Variants in SOX5 observed in about 807,000 individuals in gnomAD.
The protein encoded by SOX5 is transcription factor SOX-5.
In SOX5, 9 loss-of-function variants were observed where a neutral mutation model predicts 92.0. The ratio of observed to expected loss-of-function variants is 0.10; its 90% CI spans 0.06 to 0.17. SOX5 has a LOEUF of 0.17. Among genes scored for constraint, SOX5 ranks in the 10% least tolerant of loss-of-function variants. SOX5 has a pLI of 1.00. For missense variants in SOX5, 642 were observed against 944.5 expected (o/e 0.68, Z 4.20); for synonymous variants, 344 against 336.3 (o/e 1.02, Z -0.25).
intron 1 of SOX5, among the ~76,000 whole-genome samples, chr12:24,384,838 C>A (rs1958214291): frequency 6.6e-6 from 1 of 152,092 alleles, no homozygotes; most frequent in Non-Finnish European, 1.5e-5. Context: ...CGAGTAATAT[C>A]AAACCATTTA....
intron 4 of SOX5, among the ~76,000 whole-genome samples, chr12:24,147,191 A>G (rs578163637): frequency 6.6e-6 from 1 of 152,320 alleles, no homozygotes; most frequent in African/African-American, 2.4e-5. Context: ...ATGCTGACCA[A>G]TGACTCATGA....
chr12:24,304,007 T>C (rs1049551245), intron 2 of SOX5, among the ~76,000 whole-genome samples: 2 of 152,232 alleles, frequency 1.3e-5, no homozygotes, highest in African/African-American at 4.8e-5. Flanking sequence ...TTCTTTCCAA[T>C]ACTAATGGAC....
chr12:24,410,711 C>T (rs1035589861), intron 1 of SOX5, among the ~76,000 whole-genome samples: 2 of 152,186 alleles, frequency 1.3e-5, no homozygotes, highest in Non-Finnish European at 2.9e-5. Context: ...TTGATCACTA[C>T]AGTTACATAA....
At chr12:23,577,355 A>T (rs1949331173) in intron 9 of SOX5, among the ~76,000 whole-genome samples, 1 of 151,238 alleles carries the variant, frequency 6.6e-6, no homozygotes, top group East Asian at 2.0e-4. Flanking sequence ...GCACACCACC[A>T]CGTCCGGCTA....
At chr12:24,424,810 G>GGA (rs996619977) in intron 1 of SOX5, among the ~76,000 whole-genome samples, 1 of 148,794 alleles carries the variant, frequency 6.7e-6, no homozygotes, top group South Asian at 2.1e-4. Context: ...TTTTTTTTTG[G>GGA]GGGGGGGGGA....
At position 23,904,206 on chromosome 12, in the gene SOX5, T is replaced by A. The variant is rs566383403; in HGVS notation, c.39-8182A>T. Among the ~76,000 whole-genome samples the A allele has an allele frequency of 5.6e-3, 860 of 152,282 alleles. 12 individuals are homozygous for A. The highest frequency in any genetic ancestry group is 0.02 in the African/African-American group (825 of 41,568). On this transcript the variant is annotated intron_variant, in intron 1 of 14. Transcript: ENST00000451604. ...CTTTAAATAGAAGATTTATTTATGG[T>A]AAACATGCAGTCTTTCAAACTTTTA...
chr12:24,193,662 G>A (rs1956740296), intron 4 of SOX5, among the ~76,000 whole-genome samples: 1 of 152,056 alleles, frequency 6.6e-6, no homozygotes, highest in South Asian at 2.1e-4. Context: ...TATCAGTGAG[G>A]CATTAGATGG....
At chr12:24,363,539 G>C (rs1261435678) in intron 2 of SOX5, among the ~76,000 whole-genome samples, 3 of 152,118 alleles carry the variant, frequency 2.0e-5, no homozygotes, top group African/African-American at 7.2e-5. Context: ...AGAATTTATA[G>C]CAATAACATT....
chr12:23,979,711 T>G (rs1194398345), intron 4 of SOX5, among the ~76,000 whole-genome samples: 7 of 105,148 alleles, frequency 6.7e-5, no homozygotes, highest in African/African-American at 1.5e-4. Context: ...TTTTTTGTTT[T>G]TTTTTTTTTT....
intron 1 of SOX5, among the ~76,000 whole-genome samples, chr12:24,526,017 C>T (rs1258990331): frequency 2.0e-5 from 3 of 151,964 alleles, no homozygotes; most frequent in East Asian, 1.9e-4. Context: ...ACCACAAGCA[C>T]GCACCACCAT....
intron 2 of SOX5, among the ~76,000 whole-genome samples, chr12:24,290,528 C>G (rs999926826): frequency 2.0e-5 from 3 of 152,242 alleles, no homozygotes; most frequent in South Asian, 2.1e-4. Context: ...AATTAAGTAA[C>G]TTGGCAAAGG....
chr12:23,725,948 TAGA>T (rs2093087014), intron 6 of SOX5, among the ~76,000 whole-genome samples: 1 of 152,160 alleles, frequency 6.6e-6, no homozygotes, highest in African/African-American at 2.4e-5. Context: ...ACTCTCTTTG[TAGA>T]AGAAGCTATC....
At chr12:24,188,104 T>C (rs969022474) in intron 4 of SOX5, among the ~76,000 whole-genome samples, 1 of 152,140 alleles carries the variant, frequency 6.6e-6, no homozygotes, top group African/African-American at 2.4e-5. Context: ...AGAATTATAG[T>C]TATGATCAAA....
At chr12:24,095,140 G>GAGAGAGAGAC (rs1945218060) in intron 4 of SOX5, among the ~76,000 whole-genome samples, 2 of 147,162 alleles carry the variant, frequency 1.4e-5, no homozygotes, top group Non-Finnish European at 3.0e-5. Context: ...GAGAGAGAGA[G>GAGAGAGAGAC]AGAGAGAGAG....
rs1951878318 is a variant in SOX5 at position 24,003,957 on chromosome 12, C to T, written c.-1-107933G>A. On this transcript the variant is annotated intron_variant, in intron 4 of 4. Coordinates refer to the SOX5 transcript ENST00000446891. Reference sequence around the variant, plus strand: ...CTGTCATAAGATGAGATATGTAAGTCGCTAGAACAGAACTGAGAATCCTAC... The same window carrying T: ...CTGTCATAAGATGAGATATGTAAGTTGCTAGAACAGAACTGAGAATCCTAC... Among the ~76,000 whole-genome samples, 4 of 152,056 alleles carry T rather than the reference C, an allele frequency of 2.6e-5. No homozygotes were observed. The South Asian group carries it at 8.3e-4, about 32-fold the overall frequency.
intron 8 of SOX5, among the ~76,000 whole-genome samples, chr12:23,630,303 T>C (rs1029997610): frequency 6.6e-6 from 1 of 151,916 alleles, no homozygotes; most frequent in Non-Finnish European, 1.5e-5. Flanking sequence ...GAACGAACCA[T>C]AGCAAAATAT....
chr12:23,855,248 C>T (rs2096674137), intron 2 of SOX5, among the ~76,000 whole-genome samples: 1 of 151,658 alleles, frequency 6.6e-6, no homozygotes, highest in African/African-American at 2.4e-5. Flanking sequence ...TTTAATGTGG[C>T]CCATTTTTAA....
intron 4 of SOX5, among the ~76,000 whole-genome samples, chr12:24,104,824 A>G (rs1946495707): frequency 6.6e-6 from 1 of 152,198 alleles, no homozygotes; most frequent in African/African-American, 2.4e-5. Context: ...GTTGGGTTTT[A>G]TGTTCAATTG....
intron 3 of SOX5, among the ~76,000 whole-genome samples, chr12:24,259,300 C>G (rs1941737781): frequency 6.6e-6 from 1 of 152,094 alleles, no homozygotes. Flanking sequence ...TTCTCAGGCA[C>G]TGTTATCGTG....
Sources: allele counts gnomAD v4.1 joint callset (sites outside exome capture counted in the v4.1 genomes callset), GRCh38; gene constraint gnomAD v4.1.1; transcripts MANE v1.5; gene names NCBI Gene and HGNC (gene_info 2026-07-23, HGNC 2026-07-21).